The following GMDS variants were observed in gnomAD, a reference collection of about 807,000 sequenced individuals.
GMDS encodes GDP-mannose 4,6-dehydratase, also known as GDP-mannose 4,6 dehydratase.
In GMDS, 20 loss-of-function variants were observed where a neutral mutation model predicts 49.9. The observed-to-expected ratio is 0.40, with a 90% CI of 0.28 to 0.58. The LOEUF is 0.58. Ranked by LOEUF, GMDS falls within the 20% of genes least tolerant of loss-of-function variation. The pLI is 0.42. For synonymous variants in GMDS, 177 were observed against 178.6 expected (o/e 0.99, Z 0.07); for missense variants, 362 against 481.4 (o/e 0.75, Z 2.32).
chr6:2,067,412 A>G (rs974005853), intron 4 of GMDS, among the ~76,000 whole-genome samples: 6 of 150,812 alleles, frequency 4.0e-5, no homozygotes, highest in South Asian at 2.1e-4. Flanking sequence ...AATAACTAAA[A>G]TCAGAGCAGA....
chr6:1,853,668 G>GAC (rs1757814756), intron 7 of GMDS, among the ~76,000 whole-genome samples: 1 of 152,158 alleles, frequency 6.6e-6, no homozygotes, highest in South Asian at 2.1e-4. Context: ...TAGCCACAGA[G>GAC]CCTAATGAAA....
At chr6:1,647,039 G>A (rs749598063) in intron 9 of GMDS, among the ~76,000 whole-genome samples, 8 of 152,202 alleles carry the variant, frequency 5.3e-5, no homozygotes, top group Non-Finnish European at 7.3e-5. Context: ...GAAGGATGGC[G>A]GAAAGGGCTG....
intron 4 of GMDS, among the ~76,000 whole-genome samples, chr6:2,020,416 T>C (rs1768209206): frequency 6.6e-6 from 1 of 152,078 alleles, no homozygotes; most frequent in Admixed American, 6.5e-5. Context: ...ACTAAGATTA[T>C]ATAAAAAGAA....
At position 1,955,879 on chromosome 6, in the gene GMDS, T is replaced by C. The variant is rs184274246; in HGVS notation, c.643+3988A>G. Reference sequence around the variant, plus strand: ...TGTCCAAGCTCAGGAGTTGTGGTTGTTGGACAAACTATGCTACATGTATAT... The same window carrying C: ...TGTCCAAGCTCAGGAGTTGTGGTTGCTGGACAAACTATGCTACATGTATAT... On this transcript the variant is annotated intron_variant, in intron 6 of 10. Transcript: ENST00000380815. Among the ~76,000 whole-genome samples the C allele has an allele frequency of 2.0e-5, 3 of 152,302 alleles. No homozygotes were observed. The East Asian group carries it at 5.8e-4, about 29-fold the overall frequency.
intron 9 of GMDS, among the ~76,000 whole-genome samples, chr6:1,659,132 G>A (rs961767563): frequency 1.3e-5 from 2 of 152,072 alleles, no homozygotes; most frequent in Non-Finnish European, 2.9e-5. Flanking sequence ...GGCCTCTGTG[G>A]GGTGTATGCA....
At chr6:1,646,647 G>A (rs1561696556) in intron 9 of GMDS, among the ~76,000 whole-genome samples, 1 of 152,256 alleles carries the variant, frequency 6.6e-6, no homozygotes, top group East Asian at 1.9e-4. Flanking sequence ...GCCTCCCAAA[G>A]TGCTGAAATT....
intron 1 of GMDS, among the ~76,000 whole-genome samples, chr6:2,200,009 A>ACACTG (rs1248530272): frequency 6.6e-6 from 1 of 152,244 alleles, no homozygotes; most frequent in African/African-American, 2.4e-5. Flanking sequence ...TGTTATACAT[A>ACACTG]TGAACACTGT....
chr6:2,088,098 T>C (rs2127473824), intron 4 of GMDS, among the ~76,000 whole-genome samples: 1 of 149,358 alleles, frequency 6.7e-6, no homozygotes, highest in East Asian at 1.9e-4. Flanking sequence ...TAAAATGAGA[T>C]GTAGAAAGTA....
chr6:2,126,174 T>C (rs531446110), intron 1 of GMDS, among the ~76,000 whole-genome samples: 4 of 152,334 alleles, frequency 2.6e-5, no homozygotes, highest in Admixed American at 2.6e-4. Flanking sequence ...CTATAAAAAG[T>C]CACCAGCCTC....
chr6:2,174,372 C>G (rs1236076126), intron 1 of GMDS, among the ~76,000 whole-genome samples: 1 of 152,160 alleles, frequency 6.6e-6, no homozygotes, highest in Non-Finnish European at 1.5e-5. Flanking sequence ...TAAATTCACC[C>G]ATTTCATCTT....
chr6:2,000,860 A>G (rs1410466491), intron 4 of GMDS, among the ~76,000 whole-genome samples: 1 of 152,218 alleles, frequency 6.6e-6, no homozygotes, highest in African/African-American at 2.4e-5. Flanking sequence ...ATTCCTTTGT[A>G]TACCCAATGT....
intron 7 of GMDS, among the ~76,000 whole-genome samples, chr6:1,922,894 T>C (rs559959502): frequency 1.3e-5 from 2 of 152,346 alleles, no homozygotes; most frequent in East Asian, 3.9e-4. Context: ...TCTTGAATTG[T>C]AGCTCCCATA....
chr6:1,936,966 CAAAA>C (rs34542518), intron 6 of GMDS, among the ~76,000 whole-genome samples: 1 of 97,196 alleles, frequency 1.0e-5, no homozygotes, highest in Non-Finnish European at 2.2e-5. Context: ...GACTCTGTCT[CAAAA>C]AAAAAAAAAA....
chr6:2,029,300 A>T (rs1028461573), intron 4 of GMDS, among the ~76,000 whole-genome samples: 41 of 152,162 alleles, frequency 2.7e-4, no homozygotes, highest in African/African-American at 9.9e-4. Context: ...AAAATAAATC[A>T]TAACCTTTAT....
intron 7 of GMDS, among the ~76,000 whole-genome samples, chr6:1,927,322 G>A (rs1700124457): frequency 6.6e-6 from 1 of 151,162 alleles, no homozygotes; most frequent in Non-Finnish European, 1.5e-5. Context: ...GTAGCGTGTT[G>A]GTGTATTTTT....
At chr6:2,228,972 T>C (rs573255531) in intron 1 of GMDS, among the ~76,000 whole-genome samples, 166 of 152,070 alleles carry the variant, frequency 1.1e-3, no homozygotes, top group African/African-American at 3.6e-3. Context: ...AACTCTATGA[T>C]TGATGTGATG....
At chr6:2,207,126 C>T (rs1338023698) in intron 1 of GMDS, among the ~76,000 whole-genome samples, 1 of 152,174 alleles carries the variant, frequency 6.6e-6, no homozygotes, top group African/African-American at 2.4e-5. Context: ...TGATGGTAGC[C>T]AGTCAAGAAC....
chr6:2,234,679 G>T (rs1326799878), intron 1 of GMDS, among the ~76,000 whole-genome samples: 1 of 152,130 alleles, frequency 6.6e-6, no homozygotes, highest in African/African-American at 2.4e-5. Context: ...TTCTGACCTC[G>T]AGGGCAGGCC....
intron 9 of GMDS, among the ~76,000 whole-genome samples, chr6:1,648,326 G>A (rs957964572): frequency 6.6e-6 from 1 of 152,194 alleles, no homozygotes; most frequent in Admixed American, 6.5e-5. Context: ...GACATTTCAG[G>A]TTCTACCTTG....
Sources: allele counts gnomAD v4.1 joint callset (sites outside exome capture counted in the v4.1 genomes callset), GRCh38; gene constraint gnomAD v4.1.1; transcripts MANE v1.5; gene names NCBI Gene and HGNC (gene_info 2026-07-23, HGNC 2026-07-21).